The following FAM120C variants were observed in gnomAD, a reference collection of about 807,000 sequenced individuals.
The protein encoded by FAM120C is family with sequence similarity 120 member C.
FAM120C carries 14 observed loss-of-function variants against 71.2 expected under a neutral mutation model. The observed-to-expected ratio is 0.20, with a 90% confidence interval of 0.13 to 0.31. The LOEUF (loss-of-function observed/expected upper bound fraction) is 0.31. Ranked by LOEUF, FAM120C falls within the 10% of genes least tolerant of loss-of-function variation. The pLI is 1.00. For synonymous variants in FAM120C, 354 were observed against 353.2 expected (o/e 1.00, Z -0.03); for missense variants, 500 against 879.0 (o/e 0.57, Z 5.45).
chrX:54,133,006 G>T, intron 8 of FAM120C, 143 bp from the exon 9 acceptor site: 2 of 429,338 alleles, frequency 4.7e-6, no homozygotes, highest in Non-Finnish European at 7.4e-6. Flanking sequence ...CTAAAAAGAA[G>T]CTGTAACAAG....
chrX:54,117,601 G>A (rs963707273), intron 9 of FAM120C, among the ~76,000 whole-genome samples: 4 of 107,416 alleles, frequency 3.7e-5, no homozygotes, highest in Non-Finnish European at 5.7e-5. Context: ...TGGAGGCAGA[G>A]GCAGGAGAAT....
chrX:54,079,456 G>A (rs1260642459), intron 15 of FAM120C, among the ~76,000 whole-genome samples: 1 of 109,664 alleles, frequency 9.1e-6, no homozygotes, highest in African/African-American at 3.3e-5. Context: ...GAGAGAGAGA[G>A]AGAGAGAGAA....
intron 1 of FAM120C, among the ~76,000 whole-genome samples, chrX:54,170,850 T>C (rs969754476): frequency 9.8e-5 from 11 of 112,156 alleles, no homozygotes; most frequent in Non-Finnish European, 1.3e-4. Context: ...GACAAGTAGA[T>C]ACCAGAATAG....
At chrX:54,153,495 C>A (rs1182932746) in intron 3 of FAM120C, among the ~76,000 whole-genome samples, 4 of 108,142 alleles carry the variant, frequency 3.7e-5, no homozygotes, top group African/African-American at 1.4e-4. Flanking sequence ...GCAACCTCTG[C>A]CTCCTGGGTT....
Position 54,072,964 on chromosome X carries a change from C to T in FAM120C, c.*69G>A. 1 of 1,135,791 alleles carries T rather than the reference C, an allele frequency of 8.8e-7. No homozygotes were observed. Among genetic ancestry groups the T allele is most frequent in the Non-Finnish European group, 1.2e-6 (1 of 852,175 alleles). The allele number at this position is 1,135,791 out of a possible 1,213,427, so 93.6% of individuals were successfully genotyped here. Reference sequence around the variant, plus strand: ...GGTAAGCATTTATATCCTCCTCTAGCTTGGGCCTAAAATCAGAAAAGTAAA... The same window carrying T: ...GGTAAGCATTTATATCCTCCTCTAGTTTGGGCCTAAAATCAGAAAAGTAAA... On this transcript the variant is annotated 3_prime_UTR_variant, in exon 16 of 16. Transcript: ENST00000375180.
In FAM120C at chrX:54,155,455, T is replaced by G. The variant is rs1297170127; in HGVS notation, c.1029+2234A>C. 9.0e-5 allele frequency among the ~76,000 whole-genome samples: 10 copies of G among 111,629 alleles called. No homozygotes were observed. The Admixed American group carries it at 9.6e-4, about 11-fold the overall frequency. The stretch of plus-strand genomic sequence containing the variant: ...AATGCTGCTGACTGGTCAAGTAAAA[T>G]GAAAACTGACAGCTAGCCACTGGGT... On this transcript the variant is annotated intron_variant, in intron 3 of 15. Transcript: ENST00000375180.
intron 1 of FAM120C, among the ~76,000 whole-genome samples, chrX:54,166,310 G>T (rs781943521): frequency 9.8e-5 from 11 of 111,938 alleles, no homozygotes; most frequent in Non-Finnish European, 1.3e-4. Context: ...TCTCTAGGGA[G>T]AGCGATTTGG....
intron 3 of FAM120C, among the ~76,000 whole-genome samples, chrX:54,156,976 T>G (rs1025363812): frequency 9.6e-6 from 1 of 103,921 alleles, no homozygotes; most frequent in African/African-American, 3.6e-5. Flanking sequence ...ACCCAGGAGG[T>G]GGAGGTTGCA....
At chrX:54,158,222 A>G (rs1401932255) in intron 2 of FAM120C, among the ~76,000 whole-genome samples, 1 of 112,296 alleles carries the variant, frequency 8.9e-6, no homozygotes, top group Non-Finnish European at 1.9e-5. Flanking sequence ...TACCAATAAC[A>G]TCATGAGGTA....
At chrX:54,129,265 G>A (rs1187065995) in intron 9 of FAM120C, among the ~76,000 whole-genome samples, 2 of 108,312 alleles carry the variant, frequency 1.8e-5, no homozygotes, top group Admixed American at 9.6e-5. Context: ...CTTCTCAGAC[G>A]GGGCGGCTGC....
At chrX:54,118,872 A>T (rs1319602294) in intron 9 of FAM120C, among the ~76,000 whole-genome samples, 3 of 31,585 alleles carry the variant, frequency 9.5e-5, no homozygotes, top group African/African-American at 2.6e-4. Flanking sequence ...CCCTCCCCCG[A>T]CCCCACCACA....
Position 54,159,581 on chromosome X carries a change from C to T in FAM120C, c.735G>A (p.Val245=). ...FQSLEDHHLE[V]VAFFRENGFH... is the part of the protein sequence containing the mutation. Reference sequence around the variant, plus strand: ...AGCCATTTTCCCTGAAAAACGCCACCACTTCCAAATGGTGGTCTTCAAGGC... The same window carrying T: ...AGCCATTTTCCCTGAAAAACGCCACTACTTCCAAATGGTGGTCTTCAAGGC... The change falls in exon 2 of 16, where the codon GTG becomes GTA. Residue 245 remains valine (V), a synonymous_variant. Coordinates refer to ENST00000375180, the MANE Select transcript of FAM120C (RefSeq NM_017848.6). The T allele has an allele frequency of 1.7e-6, 2 of 1,210,829 alleles. No individual in the cohort carries two copies. The highest frequency in any genetic ancestry group is 5.9e-5 in the East Asian group (2 of 33,806).
intron 9 of FAM120C, among the ~76,000 whole-genome samples, chrX:54,118,613 G>C (rs782543206): frequency 9.4e-6 from 1 of 106,297 alleles, no homozygotes; most frequent in Non-Finnish European, 1.9e-5. Flanking sequence ...CCGGGATATG[G>C]TATTATCACT....
intron 8 of FAM120C, 124 bp from the exon 9 acceptor site, chrX:54,132,987 A>C: frequency 4.1e-6 from 2 of 487,053 alleles, no homozygotes; most frequent in Middle Eastern, 5.1e-4. Flanking sequence ...GTATTTAGAC[A>C]GTTTCATACT....
At chrX:54,110,792 G>C (rs2146586379) in intron 10 of FAM120C, among the ~76,000 whole-genome samples, 1 of 110,616 alleles carries the variant, frequency 9.0e-6, no homozygotes, top group South Asian at 3.9e-4. Flanking sequence ...GGGTGCAGTG[G>C]CTCATGCCTG....
chrX:54,083,041 C>A (rs1328308546), intron 13 of FAM120C, among the ~76,000 whole-genome samples: 1 of 108,736 alleles, frequency 9.2e-6, no homozygotes, highest in Non-Finnish European at 1.9e-5. Context: ...ATTGATTGAA[C>A]CTGGGAGGTG....
intron 10 of FAM120C, among the ~76,000 whole-genome samples, chrX:54,113,254 G>A (rs1406683149): frequency 9.1e-6 from 1 of 109,501 alleles, no homozygotes; most frequent in South Asian, 4.0e-4. Flanking sequence ...CTGAGGTCAG[G>A]AGTTCAAGAC....
chrX:54,086,754 C>CAAA (rs60485302), intron 12 of FAM120C, among the ~76,000 whole-genome samples: 34 of 57,917 alleles, frequency 5.9e-4, no homozygotes, highest in East Asian at 1.1e-3. Context: ...GAATCTGTCT[C>CAAA]AAAAAAAAAA....
In FAM120C at chrX:54,069,375, G is replaced by A. The variant is rs1557119873; in HGVS notation, c.*3658C>T. The A allele has an allele frequency of 9.0e-6, 1 of 110,614 alleles. No individual in the cohort carries two copies. The highest frequency in any genetic ancestry group is 3.3e-5 in the African/African-American group (1 of 30,404). The allele number at this position is 110,614 out of a possible 1,213,427, so 9.1% of individuals were successfully genotyped here. A position where few individuals can be genotyped will look rare whatever the true frequency, so the allele number is the denominator to read the frequency against. ...GAAATATGCACCAGGAAGTGAACAA[G>A]TATAATGATTAAACCTTAGTAGAAT... is the stretch of plus-strand genomic sequence containing the variant. On this transcript the variant is annotated 3_prime_UTR_variant, in exon 16 of 16. Coordinates refer to ENST00000375180, the MANE Select transcript of FAM120C (RefSeq NM_017848.6).
Sources: allele counts gnomAD v4.1 joint callset (sites outside exome capture counted in the v4.1 genomes callset), GRCh38; gene constraint gnomAD v4.1.1; transcripts MANE v1.5; gene names NCBI Gene and HGNC (gene_info 2026-07-23, HGNC 2026-07-21).